SLC14A2: variants seen among roughly 807,000 people sequenced by gnomAD.
The protein encoded by SLC14A2 is urea transporter 2.
A neutral mutation model predicts 104.6 loss-of-function variants in SLC14A2; 91 were observed. The ratio of observed to expected loss-of-function variants is 0.87; its 90% CI spans 0.73 to 1.04. The LOEUF (loss-of-function observed/expected upper bound fraction) is 1.04. Among genes scored for constraint, SLC14A2 ranks in the 50% least tolerant of loss-of-function variants. The pLI is 0.00. For missense variants in SLC14A2, 1,189 were observed against 1,156.0 expected (o/e 1.03, Z -0.41); for synonymous variants, 476 against 466.4 (o/e 1.02, Z -0.27).
At chr18:45,459,108 T>G (rs2086995963) in intron 1 of SLC14A2, among the ~76,000 whole-genome samples, 1 of 151,676 alleles carries the variant, frequency 6.6e-6, no homozygotes, top group South Asian at 2.1e-4. Flanking sequence ...TCCATAAGAG[T>G]AATATTAGAA....
intron 1 of SLC14A2, among the ~76,000 whole-genome samples, chr18:45,218,290 G>A (rs372879046): frequency 6.6e-6 from 1 of 152,006 alleles, no homozygotes; most frequent in South Asian, 2.1e-4. Flanking sequence ...TAGCTTATTT[G>A]GCTTAGCAAA....
exon 2 of SLC14A2, chr18:45,483,280 A>C (rs2087532073): frequency 6.6e-6 from 1 of 152,202 alleles, no homozygotes; most frequent in Non-Finnish European, 1.5e-5. Flanking sequence ...GAGATTCATA[A>C]GACCTTTATA....
chr18:45,408,142 C>T (rs1033321354), intron 1 of SLC14A2, among the ~76,000 whole-genome samples: 4 of 152,068 alleles, frequency 2.6e-5, no homozygotes, highest in African/African-American at 4.8e-5. Flanking sequence ...GAAATCGGGC[C>T]GCCTTTCTTT....
At chr18:45,207,394 G>C in the SLC14A2 span, among the ~76,000 whole-genome samples, 1 of 144,560 alleles carries the variant, frequency 6.9e-6, no homozygotes, top group Non-Finnish European at 1.5e-5. Context: ...GAAAGGGAGG[G>C]GGGAGGAAAA....
At chr18:45,241,546 G>T (rs1290720712) in intron 1 of SLC14A2, among the ~76,000 whole-genome samples, 1 of 152,056 alleles carries the variant, frequency 6.6e-6, no homozygotes. Flanking sequence ...CTGAAAACAG[G>T]CAACAGCCAG....
At position 45,679,826 on chromosome 18, in the gene SLC14A2, G is replaced by A. The variant is rs1453655351; in HGVS notation, c.2562+802G>A. ...CTGATACTATCCCGTCTTCCCCAGT[G>A]AACTGAATCTCTTTTCTGGGCTTCA... On this transcript the variant is annotated intron_variant, in intron 19 of 19. Transcript: ENST00000255226. Among the ~76,000 whole-genome samples the A allele has an allele frequency of 3.9e-5, 6 of 152,194 alleles. No individual in the cohort carries two copies. The East Asian group carries it at 9.6e-4, about 24-fold the overall frequency.
intron 17 of SLC14A2, 29 bp from the exon 18 acceptor site, chr18:45,673,654 C>T (rs1397898165): frequency 6.2e-7 from 1 of 1,610,800 alleles, no homozygotes; most frequent in African/African-American, 1.3e-5. Context: ...GACCCTAGAC[C>T]CAACCCTGAT....
At chr18:45,310,356 A>G (rs1221982683) in intron 1 of SLC14A2, among the ~76,000 whole-genome samples, 3 of 152,244 alleles carry the variant, frequency 2.0e-5, no homozygotes, top group Non-Finnish European at 4.4e-5. Context: ...TAGTTGTATC[A>G]TACTTCGCCA....
intron 1 of SLC14A2, among the ~76,000 whole-genome samples, chr18:45,405,948 A>AG (rs2086150770): frequency 2.0e-5 from 3 of 151,578 alleles, no homozygotes; most frequent in Non-Finnish European, 4.4e-5. Flanking sequence ...AGCGAGTTGT[A>AG]ATTTTTTTTA....
intron 1 of SLC14A2, among the ~76,000 whole-genome samples, chr18:45,299,383 A>G (rs2084946015): frequency 6.6e-6 from 1 of 152,248 alleles, no homozygotes; most frequent in Non-Finnish European, 1.5e-5. Flanking sequence ...ATTAGCTCCC[A>G]GGAAAAGCCA....
intron 1 of SLC14A2, among the ~76,000 whole-genome samples, chr18:45,270,785 G>A (rs2084643425): frequency 1.3e-5 from 2 of 152,130 alleles, no homozygotes; most frequent in South Asian, 4.1e-4. Flanking sequence ...TCAGATTCAG[G>A]TAAAGATGTA....
chr18:45,642,774 A>C (rs1297696369), intron 8 of SLC14A2, among the ~76,000 whole-genome samples: 1 of 152,222 alleles, frequency 6.6e-6, no homozygotes, highest in African/African-American at 2.4e-5. Context: ...CTTCCCCTAC[A>C]ACAATCATCC....
intron 1 of SLC14A2, among the ~76,000 whole-genome samples, chr18:45,259,276 G>C (rs2084511612): frequency 6.6e-6 from 1 of 152,204 alleles, no homozygotes; most frequent in African/African-American, 2.4e-5. Flanking sequence ...TATGTCCACT[G>C]TAGGGTCATA....
chr18:45,611,786 A>C (rs540546211), upstream of SLC14A2, among the ~76,000 whole-genome samples: 101 of 152,324 alleles, frequency 6.6e-4, no homozygotes, highest in Middle Eastern at 3.4e-3. Context: ...AGGTACCCTC[A>C]CATCACTGAC....
chr18:45,442,280 A>T (rs2086693367), intron 1 of SLC14A2, among the ~76,000 whole-genome samples: 1 of 152,196 alleles, frequency 6.6e-6, no homozygotes, highest in East Asian at 1.9e-4. Flanking sequence ...AAAGTGCCGC[A>T]AACTGGATGG....
At chr18:45,469,301 A>G (rs2705363) in intron 1 of SLC14A2, among the ~76,000 whole-genome samples, 89,955 of 151,960 alleles carry the variant, frequency 0.59, 26,868 homozygotes, top group Admixed American at 0.69. Flanking sequence ...AGAATTGATC[A>G]TAAAGGAAAG....
chr18:45,661,767 C>T (rs539827344), intron 10 of SLC14A2, among the ~76,000 whole-genome samples: 7 of 152,340 alleles, frequency 4.6e-5, no homozygotes, highest in Admixed American at 2.0e-4. Flanking sequence ...TATGGGAGAA[C>T]GCCCCACTTG....
intron 1 of SLC14A2, among the ~76,000 whole-genome samples, chr18:45,323,906 C>A (rs776389646): frequency 6.6e-6 from 1 of 152,156 alleles, no homozygotes; most frequent in Non-Finnish European, 1.5e-5. Flanking sequence ...TTTCATCACC[C>A]TTCTCAGAGA....
intron 1 of SLC14A2, among the ~76,000 whole-genome samples, chr18:45,411,638 G>GAT (rs1029631712): frequency 2.0e-5 from 3 of 152,142 alleles, no homozygotes; most frequent in African/African-American, 7.2e-5. Context: ...TAATAAAGAT[G>GAT]ATAAGTCCTT....
Sources: gnomAD v4.1 joint callset for allele counts (sites outside exome capture counted in the v4.1 genomes callset) on GRCh38, gnomAD v4.1.1 for gene constraint, MANE v1.5 for transcripts, NCBI Gene and HGNC (gene_info 2026-07-23, HGNC 2026-07-21) for gene names.